Variants in CNTLN observed in about 807,000 individuals in gnomAD.
CNTLN encodes the protein centlein, centrosomal protein.
In CNTLN, 212 loss-of-function variants were observed where a neutral mutation model predicts 180.0. The observed-to-expected ratio is 1.18, with a 90% CI of 1.05 to 1.32. The LOEUF (loss-of-function observed/expected upper bound fraction) is 1.32, where lower values mean the gene tolerates loss of function less well. Ranked by LOEUF, CNTLN falls within the 40% of genes most tolerant of loss-of-function variation. The pLI is 0.00. For synonymous variants in CNTLN, 722 were observed against 563.1 expected, an observed-to-expected ratio of 1.28 and a Z score of -3.99; for missense variants, 2,095 against 1,610.9, an observed-to-expected ratio of 1.30 and a Z score of -5.14.
intron 6 of CNTLN, among the ~76,000 whole-genome samples, chr9:17,297,313 G>A (rs749646748): frequency 6.6e-6 from 1 of 152,162 alleles, no homozygotes; most frequent in Non-Finnish European, 1.5e-5. Flanking sequence ...TTGAGCATCT[G>A]TAAATTTTCA....
chr9:17,172,597 A>G (rs1387660860), intron 2 of CNTLN, among the ~76,000 whole-genome samples: 1 of 152,164 alleles, frequency 6.6e-6, no homozygotes, highest in East Asian at 1.9e-4. Flanking sequence ...ACTGCCTTTA[A>G]ATAATATATT....
chr9:17,151,584 G>T (rs571691518), intron 2 of CNTLN, among the ~76,000 whole-genome samples: 1 of 152,228 alleles, frequency 6.6e-6, no homozygotes. Flanking sequence ...GAGGATTTTC[G>T]CATTGATGTT....
intron 25 of CNTLN, among the ~76,000 whole-genome samples, chr9:17,488,173 C>T (rs1832982896): frequency 6.6e-5 from 10 of 152,062 alleles, no homozygotes; most frequent in Admixed American, 6.6e-4. Context: ...AATAGTATAT[C>T]AACAATTCAT....
At chr9:17,368,070 C>G (rs1823981953) in intron 13 of CNTLN, among the ~76,000 whole-genome samples, 1 of 152,124 alleles carries the variant, frequency 6.6e-6, no homozygotes. Flanking sequence ...GGCTTTGGCT[C>G]TTAGTTGGCA....
intron 8 of CNTLN, among the ~76,000 whole-genome samples, chr9:17,324,868 G>A (rs1053935007): frequency 6.6e-6 from 1 of 152,016 alleles, no homozygotes; most frequent in Non-Finnish European, 1.5e-5. Context: ...TAATGTGATA[G>A]TGTTATAAGC....
intron 5 of CNTLN, among the ~76,000 whole-genome samples, chr9:17,264,999 G>T (rs1398940270): frequency 1.4e-5 from 2 of 144,922 alleles, no homozygotes; most frequent in Non-Finnish European, 3.0e-5. Context: ...GGGACAATTT[G>T]ACTTCCTCTT....
intron 2 of CNTLN, among the ~76,000 whole-genome samples, chr9:17,156,459 C>T (rs1212520400): frequency 1.3e-5 from 2 of 151,962 alleles, no homozygotes; most frequent in African/African-American, 2.4e-5. Flanking sequence ...GATAGTCTAC[C>T]TGCTGAATAT....
chr9:17,335,116 T>A (rs1277248612), intron 10 of CNTLN, among the ~76,000 whole-genome samples: 2 of 152,220 alleles, frequency 1.3e-5, no homozygotes, highest in African/African-American at 2.4e-5. Context: ...TCAGCTTTTA[T>A]TCTATTGAGG....
chr9:17,298,134 T>G (rs1208291503), intron 6 of CNTLN, 56 bp from the exon 7 acceptor site: 13 of 1,339,992 alleles, frequency 9.7e-6, no homozygotes, highest in Non-Finnish European at 1.3e-5. Flanking sequence ...ACACAATTAT[T>G]TAACTGAGAT....
chr9:17,335,540 A>G (rs113487922), intron 10 of CNTLN, among the ~76,000 whole-genome samples: 3,237 of 152,300 alleles, frequency 0.021, 119 homozygotes, highest in African/African-American at 0.075. Context: ...TTTTTAATCA[A>G]TTCAGAATTA....
intron 18 of CNTLN, among the ~76,000 whole-genome samples, chr9:17,434,228 G>C (rs1829620671): frequency 6.6e-6 from 1 of 151,698 alleles, no homozygotes; most frequent in Non-Finnish European, 1.5e-5. Context: ...TTTTTCTATT[G>C]TCAGTTTTAT....
chr9:17,179,583 C>G (rs1304485972), intron 2 of CNTLN, among the ~76,000 whole-genome samples: 1 of 152,040 alleles, frequency 6.6e-6, no homozygotes, highest in African/African-American at 2.4e-5. Flanking sequence ...TTTTGTGGCC[C>G]AAAGTATGGT....
At chr9:17,299,717 T>C (rs1342006015) in intron 7 of CNTLN, 1 of 985,028 alleles carries the variant, frequency 1.0e-6, no homozygotes, top group South Asian at 4.7e-5. Flanking sequence ...GTTCCATTGC[T>C]AAAATGATTT....
chr9:17,318,324 G>A (rs1162713607), intron 8 of CNTLN, among the ~76,000 whole-genome samples: 2 of 152,022 alleles, frequency 1.3e-5, no homozygotes, highest in South Asian at 2.1e-4. Context: ...CCACCGCGCC[G>A]GGCCCTAACT....
At chr9:17,278,210 A>C (rs1828437716) in intron 6 of CNTLN, among the ~76,000 whole-genome samples, 1 of 152,176 alleles carries the variant, frequency 6.6e-6, no homozygotes. Flanking sequence ...CAGTATAACT[A>C]GTCTGTAGAG....
intron 6 of CNTLN, among the ~76,000 whole-genome samples, chr9:17,293,951 A>G (rs1249602168): frequency 6.6e-6 from 1 of 152,052 alleles, no homozygotes; most frequent in African/African-American, 2.4e-5. Flanking sequence ...GTGTGTCCAG[A>G]ATTGGTGCGT....
chr9:17,235,776 A>T lies in CNTLN; in HGVS notation c.653A>T (p.Lys218Ile). Residue 218 changes from lysine to isoleucine, a missense_variant, in exon 4 of 26, where the codon AAA (lysine) becomes ATA (isoleucine). Physicochemically the swap from Lys to Ile is moderately radical, Grantham distance 102 (BLOSUM62 -3). Transcript: ENST00000380647. ...FSDLEKKFKD[K>I]SQEIKDTKEC... ...GACTTGGAGAAGAAATTTAAAGATA[A>T]AAGTCAAGAAATTAAGGTGTGTTGA... is the stretch of plus-strand genomic sequence containing the variant. The T allele has an allele frequency of 6.2e-7, 1 of 1,605,210 alleles. No individual in the cohort carries two copies. Among genetic ancestry groups the T allele is most frequent in the East Asian group, 2.2e-5 (1 of 44,696 alleles).
intron 6 of CNTLN, among the ~76,000 whole-genome samples, chr9:17,292,706 T>G (rs1829494220): frequency 2.0e-5 from 3 of 152,158 alleles, no homozygotes; most frequent in Admixed American, 1.3e-4. Context: ...CCTGTAATGT[T>G]TTATCATGGT....
At chr9:17,208,906 A>G (rs1238501077) in intron 2 of CNTLN, among the ~76,000 whole-genome samples, 2 of 151,968 alleles carry the variant, frequency 1.3e-5, no homozygotes, top group Non-Finnish European at 2.9e-5. Context: ...TTCAAAAACC[A>G]TCTTTTTCTT....
Sources: gnomAD v4.1 joint callset for allele counts (sites outside exome capture counted in the v4.1 genomes callset) on GRCh38, gnomAD v4.1.1 for gene constraint, MANE v1.5 for transcripts, NCBI Gene and HGNC (gene_info 2026-07-23, HGNC 2026-07-21) for gene names.